The following FER variants were observed in gnomAD, a reference collection of about 807,000 sequenced individuals.
The protein encoded by FER is tyrosine-protein kinase Fer.
In FER, 63 loss-of-function variants were observed where a neutral mutation model predicts 111.0. The ratio of observed to expected loss-of-function variants is 0.57; its 90% CI spans 0.46 to 0.70. FER has a LOEUF of 0.70. FER is among the 30% of genes least tolerant of loss of function. The probability of loss-of-function intolerance (pLI) is 0.00; values close to 1 mark genes in which losing one functional copy is unlikely to be tolerated. For synonymous variants in FER, 327 were observed against 313.9 expected, an observed-to-expected ratio of 1.04 and a Z score of -0.44; for missense variants, 914 against 954.0, an observed-to-expected ratio of 0.96 and a Z score of 0.55.
intron 3 of FER, among the ~76,000 whole-genome samples, chr5:108,811,431 A>C (rs1267327117): frequency 3.3e-5 from 5 of 152,224 alleles, no homozygotes; most frequent in African/African-American, 1.2e-4. Flanking sequence ...AATGTTTAAA[A>C]ATTCATGAAT....
In FER at chr5:108,792,554, C is replaced by A. The variant is rs867771044; in HGVS notation, c.-59-5570C>A. 9.9e-5 allele frequency among the ~76,000 whole-genome samples: 15 copies of A among 151,962 alleles called. No individual in the cohort carries two copies. The South Asian group carries it at 2.7e-3, about 27-fold the overall frequency. On this transcript the variant is annotated intron_variant, in intron 2 of 19. Transcript: ENST00000281092. ...GTTTCTCCAGGTTGATCAGGCTGGT[C>A]CCAAACTCCTGACCTCAGGTGATCC... is the stretch of plus-strand genomic sequence containing the variant.
At chr5:109,025,765 G>A (rs557627610) in intron 13 of FER, among the ~76,000 whole-genome samples, 60 of 152,004 alleles carry the variant, frequency 3.9e-4, no homozygotes, top group South Asian at 2.1e-3. Context: ...GTTTGTCATA[G>A]ATAGCTCTTA....
chr5:108,970,330 C>T (rs1002334388), intron 13 of FER, among the ~76,000 whole-genome samples: 1 of 152,026 alleles, frequency 6.6e-6, no homozygotes, highest in Non-Finnish European at 1.5e-5. Flanking sequence ...ATTCTCCTGC[C>T]TCAGCCTCCC....
At chr5:109,025,433 G>A (rs1301414107) in intron 13 of FER, among the ~76,000 whole-genome samples, 3 of 152,074 alleles carry the variant, frequency 2.0e-5, no homozygotes, top group African/African-American at 4.8e-5. Context: ...TCTGTTGTTG[G>A]TGTATAAGAA....
chr5:108,922,021 A>G (rs557872863), intron 10 of FER, among the ~76,000 whole-genome samples: 75 of 152,316 alleles, frequency 4.9e-4, no homozygotes, highest in South Asian at 2.9e-3. Flanking sequence ...TGGTGCCCTT[A>G]TAAGAAGAGA....
At chr5:109,053,691 ATTTTTTT>A (rs544623578) in intron 16 of FER, among the ~76,000 whole-genome samples, 4 of 119,402 alleles carry the variant, frequency 3.4e-5, no homozygotes, top group Non-Finnish European at 5.1e-5. Context: ...GTGGAGTTCT[ATTTTTTT>A]TTTTTTTTTT....
chr5:108,903,223 A>G (rs1464412685), intron 10 of FER, among the ~76,000 whole-genome samples: 4 of 152,188 alleles, frequency 2.6e-5, no homozygotes, highest in African/African-American at 9.7e-5. Context: ...GAAATTGCAC[A>G]TTTTGTTTAA....
At chr5:109,046,203 T>C (rs935984066) in intron 15 of FER, among the ~76,000 whole-genome samples, 1 of 152,206 alleles carries the variant, frequency 6.6e-6, no homozygotes, top group Non-Finnish European at 1.5e-5. Flanking sequence ...TCAGAACTTT[T>C]GTTTCTACCA....
At chr5:108,866,179 A>G (rs925090112) in intron 5 of FER, among the ~76,000 whole-genome samples, 2 of 152,228 alleles carry the variant, frequency 1.3e-5, no homozygotes, top group Non-Finnish European at 2.9e-5. Flanking sequence ...AAGACTTGGA[A>G]CCAACCCAAT....
At chr5:109,119,471 A>G (rs1268671040) in intron 17 of FER, among the ~76,000 whole-genome samples, 1 of 152,202 alleles carries the variant, frequency 6.6e-6, no homozygotes, top group African/African-American at 2.4e-5. Flanking sequence ...GGTGCTAAAA[A>G]GAATGTATAT....
chr5:109,086,326 C>A (rs1248352605), intron 16 of FER, among the ~76,000 whole-genome samples: 1 of 151,522 alleles, frequency 6.6e-6, no homozygotes, highest in Non-Finnish European at 1.5e-5. Flanking sequence ...TTTATCATAT[C>A]CCCTAATTAT....
intron 17 of FER, among the ~76,000 whole-genome samples, chr5:109,111,264 C>T (rs956259965): frequency 5.9e-5 from 9 of 152,008 alleles, no homozygotes; most frequent in African/African-American, 1.7e-4. Context: ...AAGTGAATAA[C>T]CGTGTTGTTG....
intron 17 of FER, among the ~76,000 whole-genome samples, chr5:109,100,785 A>G (rs979806424): frequency 6.6e-6 from 1 of 151,850 alleles, no homozygotes; most frequent in African/African-American, 2.4e-5. Flanking sequence ...CAACGGTGAC[A>G]TGGAATGTAC....
At chr5:108,917,712 A>G (rs1752446556) in intron 10 of FER, among the ~76,000 whole-genome samples, 1 of 152,198 alleles carries the variant, frequency 6.6e-6, no homozygotes, top group Admixed American at 6.5e-5. Flanking sequence ...GGAAGTATGA[A>G]AAAGGTGATA....
At chr5:108,876,313 T>C (rs549250645) in intron 8 of FER, among the ~76,000 whole-genome samples, 2 of 152,364 alleles carry the variant, frequency 1.3e-5, no homozygotes, top group East Asian at 1.9e-4. Context: ...ACAGCCATGC[T>C]CATTCACTTA....
At position 108,957,060 on chromosome 5, in the gene FER, G is replaced by A. The variant is rs57966173; in HGVS notation, c.1533+2128G>A. ...ATCAATAAAAAGAGCACTGAATTTG[G>A]AGTTAGAACACTTGGCTTTCAGTCC... On this transcript the variant is annotated intron_variant, in intron 12 of 19. Transcript: ENST00000281092. Among the ~76,000 whole-genome samples, 972 of 151,698 alleles carry A rather than the reference G, an allele frequency of 6.4e-3. 11 individuals carry two copies. The highest frequency in any genetic ancestry group is 0.022 in the African/African-American group (910 of 41,512).
At chr5:108,849,301 G>T (rs557997603) in intron 5 of FER, among the ~76,000 whole-genome samples, 2 of 152,096 alleles carry the variant, frequency 1.3e-5, no homozygotes, top group East Asian at 3.9e-4. Context: ...TAGGCTGCTT[G>T]TAGTTCTCTT....
At chr5:109,152,554 G>T (rs1446828363) in intron 17 of FER, among the ~76,000 whole-genome samples, 1 of 151,902 alleles carries the variant, frequency 6.6e-6, no homozygotes, top group Non-Finnish European at 1.5e-5. Context: ...AATTATGATT[G>T]CTGTCAGGAA....
intron 16 of FER, among the ~76,000 whole-genome samples, chr5:109,048,553 A>T (rs952873348): frequency 6.6e-6 from 1 of 152,184 alleles, no homozygotes; most frequent in Non-Finnish European, 1.5e-5. Flanking sequence ...AAATAAAACA[A>T]AAGAAGATAG....
Sources: gnomAD v4.1 joint callset for allele counts (sites outside exome capture counted in the v4.1 genomes callset) on GRCh38, gnomAD v4.1.1 for gene constraint, MANE v1.5 for transcripts, NCBI Gene and HGNC (gene_info 2026-07-23, HGNC 2026-07-21) for gene names.